Variants in KCTD21 observed in about 807,000 individuals in gnomAD.
KCTD21 encodes BTB/POZ domain-containing protein KCTD21.
A neutral mutation model predicts 13.2 loss-of-function variants in KCTD21; 9 were observed. The observed-to-expected ratio is 0.68, with a 90% CI of 0.41 to 1.19. The LOEUF (loss-of-function observed/expected upper bound fraction) is 1.19. Among genes scored for constraint, KCTD21 ranks in the 50% most tolerant of loss-of-function variants. The probability of loss-of-function intolerance (pLI) is 0.01; values close to 1 mark genes in which losing one functional copy is unlikely to be tolerated. For missense variants in KCTD21, 303 were observed against 336.5 expected, an observed-to-expected ratio of 0.90 and a Z score of 0.78; for synonymous variants, 142 against 137.4, an observed-to-expected ratio of 1.03 and a Z score of -0.23.
chr11:78,181,420 A>G (rs569322038), intron 1 of KCTD21, among the ~76,000 whole-genome samples: 22 of 152,386 alleles, frequency 1.4e-4, no homozygotes, highest in African/African-American at 4.3e-4. Flanking sequence ...TACATGGTAC[A>G]TGACTCTATC....
At chr11:78,187,754 G>C (rs576848979) in intron 1 of KCTD21, 1 of 985,292 alleles carries the variant, frequency 1.0e-6, no homozygotes, top group African/African-American at 1.7e-5. Flanking sequence ...GGGTTGGGGG[G>C]ACTGGTCCTG....
intron 1 of KCTD21, among the ~76,000 whole-genome samples, chr11:78,185,867 C>T (rs1212302157): frequency 6.6e-6 from 1 of 151,434 alleles, no homozygotes; most frequent in African/African-American, 2.4e-5. Context: ...GCTGGGATTA[C>T]AGGCGTGAGC....
In KCTD21 at chr11:78,173,957, A is replaced by C. The variant is rs1590871904; in HGVS notation, c.598T>G (p.Tyr200Asp). The change falls in exon 2 of 2, where the codon TAC becomes GAC. Residue 200 changes from tyrosine to aspartate, a missense_variant. Coordinates refer to ENST00000340067, the MANE Select transcript of KCTD21 (RefSeq NM_001029859.3). ...AGCCTCTTGAGGTTCTGCTTGGTGTACTCCTCCTCTGGCAGGCCCTCCACA... is the reference window on the plus strand; with the variant it reads ...AGCCTCTTGAGGTTCTGCTTGGTGTCCTCCTCCTCTGGCAGGCCCTCCACA... ...ANVEGLPEEE[Y>D]TKQNLKRLWV... 6.2e-7 allele frequency: 1 copy of C among 1,612,340 alleles called. No individual in the cohort carries two copies. Among genetic ancestry groups the C allele is most frequent in the Non-Finnish European group, 8.5e-7 (1 of 1,179,638 alleles).
At chr11:78,179,303 G>C (rs113514729) in intron 1 of KCTD21, among the ~76,000 whole-genome samples, 1 of 151,876 alleles carries the variant, frequency 6.6e-6, no homozygotes, top group Non-Finnish European at 1.5e-5. Flanking sequence ...CCAAAGTGTG[G>C]GGATTACCAC....
In KCTD21 at chr11:78,171,439, C is replaced by T. The variant is rs1283730997; in HGVS notation, c.*2333G>A. On this transcript the variant is annotated 3_prime_UTR_variant, in exon 2 of 2. Coordinates refer to ENST00000340067, the MANE Select transcript of KCTD21 (RefSeq NM_001029859.3). Reference sequence around the variant, plus strand: ...GTTAGTGGCTTCACTGCTTCTGCAACTTCTCTAAAGTCAAGCTGCTTGGAT... The same window carrying T: ...GTTAGTGGCTTCACTGCTTCTGCAATTTCTCTAAAGTCAAGCTGCTTGGAT... 2 of 152,612 alleles carry T rather than the reference C, an allele frequency of 1.3e-5. No individual in the cohort carries two copies. Among genetic ancestry groups the T allele is most frequent in the Non-Finnish European group, 2.9e-5 (2 of 68,036 alleles). 9.5% of individuals were successfully genotyped at this position (152,612 alleles called of 1,614,324 possible).
At chr11:78,180,533 G>C (rs984866734) in intron 1 of KCTD21, among the ~76,000 whole-genome samples, 1 of 152,064 alleles carries the variant, frequency 6.6e-6, no homozygotes, top group African/African-American at 2.4e-5. Context: ...CTAGACAAAA[G>C]ATCTAACAAA....
Position 78,174,544 on chromosome 11 carries a change from G to C in KCTD21, c.11C>G (p.Pro4Arg), listed in dbSNP as rs1238325571. The C allele has an allele frequency of 6.2e-7, 1 of 1,611,058 alleles. No homozygotes were observed. The highest frequency in any genetic ancestry group is 8.5e-7 in the Non-Finnish European group (1 of 1,178,332). Residue 4 changes from proline (P) to arginine (R), a missense_variant, in exon 2 of 2, where the codon CCC becomes CGC. Transcript: ENST00000340067. ...CTTCCCCCCGACGTTCAGCGTGATG[G>C]GGTCGGACATGGCAGGAGACTGGGT... is the stretch of plus-strand genomic sequence containing the variant. MSD[P>R]ITLNVGGKLY...
rs1051793679 is a variant in KCTD21, at chr11:78,187,851, G to C, written c.-30+722C>G. ...AAACCTCTGCCTCCCCGAGTGCAGG[G>C]AGAAAAGCAAGGTCTTTGAAGTAAG... On this transcript the variant is annotated intron_variant, in intron 1 of 1. Coordinates refer to ENST00000340067, the MANE Select transcript of KCTD21 (RefSeq NM_001029859.3). 47 of 985,376 alleles carry C rather than the reference G, an allele frequency of 4.8e-5. No individual in the cohort carries two copies. The African/African-American group carries it at 7.8e-4, about 16-fold the overall frequency. 61.0% of individuals were successfully genotyped at this position (985,376 alleles called of 1,614,324 possible). A position where few individuals can be genotyped will look rare whatever the true frequency, so the allele number is the denominator to read the frequency against.
intron 1 of KCTD21, among the ~76,000 whole-genome samples, chr11:78,180,413 C>T (rs1862580234): frequency 6.6e-6 from 1 of 152,220 alleles, no homozygotes; most frequent in African/African-American, 2.4e-5. Context: ...GTAATCCCAG[C>T]ACTTTGGGAG....
At chr11:78,187,763 T>G (rs1425543570) in intron 1 of KCTD21, 10 of 985,356 alleles carry the variant, frequency 1.0e-5, no homozygotes, top group Admixed American at 1.2e-4. Context: ...GGACTGGTCC[T>G]GCCAGACAAT....
chr11:78,185,846 C>T (rs1862748784), intron 1 of KCTD21, among the ~76,000 whole-genome samples: 1 of 152,090 alleles, frequency 6.6e-6, no homozygotes, highest in South Asian at 2.1e-4. Flanking sequence ...CCCACCTCAG[C>T]CTCCCAAAGT....
chr11:78,186,558 C>T, intron 1 of KCTD21: 2 of 357,980 alleles, frequency 5.6e-6, no homozygotes, highest in Non-Finnish European at 7.8e-6. Flanking sequence ...ATAACAACAA[C>T]AAACACTACA....
Position 78,174,546 on chromosome 11 carries a change from G to A in KCTD21, c.9C>T (p.Asp3=), listed in dbSNP as rs760296640. 29 of 1,610,798 alleles carry A rather than the reference G, an allele frequency of 1.8e-5. No homozygotes were observed. The South Asian group carries it at 3.0e-4, about 16-fold the overall frequency. Residue 3 remains aspartate (D), a synonymous_variant, in exon 2 of 2, where the codon GAC becomes GAT. Transcript: ENST00000340067. ...TCCCCCCGACGTTCAGCGTGATGGG[G>A]TCGGACATGGCAGGAGACTGGGTTG... MS[D]PITLNVGGKL...
At chr11:78,187,214 C>G (rs1013161178) in intron 1 of KCTD21, 1 of 985,198 alleles carries the variant, frequency 1.0e-6, no homozygotes, top group Non-Finnish European at 1.2e-6. Context: ...CTTACCCCAC[C>G]GGAGAAAGGA....
chr11:78,180,223 T>A (rs1289406090), intron 1 of KCTD21, among the ~76,000 whole-genome samples: 1 of 152,188 alleles, frequency 6.6e-6, no homozygotes, highest in East Asian at 1.9e-4. Context: ...GTAAAAAACT[T>A]CTGCTCTTCA....
At position 78,188,567 on chromosome 11, in the gene KCTD21, A is replaced by G. The variant is rs987656589; in HGVS notation, c.-30+6T>C. On this transcript the variant is annotated splice_donor_region_variant and intron_variant, in intron 1 of 1. Coordinates refer to ENST00000340067, the MANE Select transcript of KCTD21 (RefSeq NM_001029859.3). ...AGCCCCGCGACCCCGGCCGTGCCGC[A>G]CCCACCTCCTGCCCTCGCTCTGCAG... The G allele has an allele frequency of 7.1e-6, 7 of 985,540 alleles. No individual in the cohort carries two copies. Among genetic ancestry groups the G allele is most frequent in the Non-Finnish European group, 7.2e-6 (6 of 830,138 alleles). 61.0% of individuals were successfully genotyped at this position (985,540 alleles called of 1,614,324 possible). A position where few individuals can be genotyped will look rare whatever the true frequency, so the allele number is the denominator to read the frequency against.
At chr11:78,175,446 T>C (rs1275840004) in intron 1 of KCTD21, 1 of 151,916 alleles carries the variant, frequency 6.6e-6, no homozygotes, top group Non-Finnish European at 1.5e-5. Context: ...AAAGGTGAAG[T>C]GCCTTGCCAG....
At chr11:78,187,806 C>T in intron 1 of KCTD21, 3 of 985,420 alleles carry the variant, frequency 3.0e-6, no homozygotes, top group Non-Finnish European at 3.6e-6. Context: ...ACTTTTCTTT[C>T]CTGCCTCCCA....
chr11:78,187,703 C>T (rs777284645), intron 1 of KCTD21: 87 of 985,292 alleles, frequency 8.8e-5, no homozygotes, highest in Non-Finnish European at 9.2e-5. Context: ...TTCATCCTCA[C>T]AGTACTATAG....
Sources: allele counts gnomAD v4.1 joint callset (sites outside exome capture counted in the v4.1 genomes callset), GRCh38; gene constraint gnomAD v4.1.1; transcripts MANE v1.5; gene names NCBI Gene and HGNC (gene_info 2026-07-23, HGNC 2026-07-21).